ADGRB3: variants seen among roughly 807,000 people sequenced by gnomAD.
The protein encoded by ADGRB3 is brain-specific angiogenesis inhibitor 3.
ADGRB3 carries 37 observed loss-of-function variants against 193.4 expected under a neutral mutation model. That is an observed-to-expected ratio of 0.19 (90% CI 0.15 to 0.25). The LOEUF is 0.25. ADGRB3 is among the 10% of genes least tolerant of loss of function. The probability of loss-of-function intolerance (pLI) is 1.00; values close to 1 mark genes in which losing one functional copy is unlikely to be tolerated. For missense variants in ADGRB3, 1,637 were observed against 1,852.9 expected (o/e 0.88, Z 2.14); for synonymous variants, 690 against 644.2 (o/e 1.07, Z -1.08).
intron 3 of ADGRB3, among the ~76,000 whole-genome samples, chr6:68,843,334 G>A (rs933191906): frequency 6.6e-6 from 1 of 151,902 alleles, no homozygotes; most frequent in Non-Finnish European, 1.5e-5. Flanking sequence ...AAAGTTGCAG[G>A]ATACAAAGTC....
intron 17 of ADGRB3, among the ~76,000 whole-genome samples, chr6:69,107,077 C>T (rs1426300589): frequency 6.6e-6 from 1 of 152,006 alleles, no homozygotes; most frequent in African/African-American, 2.4e-5. Flanking sequence ...TAATAACTAT[C>T]TTCCAAAAAA....
chr6:69,250,244 G>A (rs1485848221), intron 20 of ADGRB3, among the ~76,000 whole-genome samples: 1 of 152,024 alleles, frequency 6.6e-6, no homozygotes, highest in Non-Finnish European at 1.5e-5. Flanking sequence ...TGTATTTTAA[G>A]GTGATTTTTC....
chr6:69,024,345 C>G (rs541423186), intron 13 of ADGRB3, among the ~76,000 whole-genome samples: 1 of 152,134 alleles, frequency 6.6e-6, no homozygotes, highest in African/African-American at 2.4e-5. Context: ...ATGGGATTCT[C>G]AATTCTGTAA....
intron 17 of ADGRB3, among the ~76,000 whole-genome samples, chr6:69,196,798 G>A (rs907253477): frequency 3.9e-5 from 6 of 152,112 alleles, no homozygotes; most frequent in South Asian, 4.1e-4. Flanking sequence ...TTGTTCATTC[G>A]TTTTGCTTTT....
chr6:69,058,104 A>G (rs13208885), intron 15 of ADGRB3, among the ~76,000 whole-genome samples: 6,847 of 151,686 alleles, frequency 0.045, 219 homozygotes, highest in Non-Finnish European at 0.067. Context: ...TATTGATTCA[A>G]TCGCTTTACT....
At chr6:69,223,100 A>C (rs1486395889) in intron 17 of ADGRB3, among the ~76,000 whole-genome samples, 1 of 152,144 alleles carries the variant, frequency 6.6e-6, no homozygotes, top group African/African-American at 2.4e-5. Flanking sequence ...ACACTAAGGA[A>C]GTTAAAAAAG....
intron 3 of ADGRB3, among the ~76,000 whole-genome samples, chr6:68,659,383 AG>A (rs1768569451): frequency 6.6e-6 from 1 of 150,988 alleles, no homozygotes; most frequent in Non-Finnish European, 1.5e-5. Flanking sequence ...GTAAAAAAAT[AG>A]GAAGGAGAAA....
intron 17 of ADGRB3, among the ~76,000 whole-genome samples, chr6:69,143,578 G>A (rs1230171244): frequency 6.6e-6 from 1 of 152,100 alleles, no homozygotes; most frequent in Non-Finnish European, 1.5e-5. Flanking sequence ...AGACAGGGGT[G>A]TAGTTTCATT....
rs1032814610 is a variant in ADGRB3 at position 69,353,602 on chromosome 6, C to T, written c.3460-631C>T. On this transcript the variant is annotated intron_variant, in intron 26 of 31. Coordinates refer to ENST00000370598, the MANE Select transcript of ADGRB3 (RefSeq NM_001704.3). Reference sequence around the variant, plus strand: ...TCTCCCTTAAAAGACACACATATTACGTACAACAGTGGAATAAATCTGCCT... The same window carrying T: ...TCTCCCTTAAAAGACACACATATTATGTACAACAGTGGAATAAATCTGCCT... Among the ~76,000 whole-genome samples, 12 of 152,288 alleles carry T rather than the reference C, an allele frequency of 7.9e-5. 1 individual carries two copies. The highest frequency in any genetic ancestry group is 2.1e-4 in the South Asian group (1 of 4,818).
At chr6:68,772,894 A>AATATATATAT (rs1208790675) in intron 3 of ADGRB3, among the ~76,000 whole-genome samples, 22 of 22,834 alleles carry the variant, frequency 9.6e-4, no homozygotes, top group East Asian at 3.1e-3. Flanking sequence ...AAAAAAAAAA[A>AATATATATAT]ATATATATAT....
chr6:68,663,074 G>T (rs114051014), intron 3 of ADGRB3, among the ~76,000 whole-genome samples: 3 of 151,126 alleles, frequency 2.0e-5, no homozygotes, highest in African/African-American at 7.3e-5. Context: ...AAAGTAAATC[G>T]AAATACATAA....
At chr6:68,990,409 C>T (rs1160091237) in intron 10 of ADGRB3, among the ~76,000 whole-genome samples, 4 of 152,062 alleles carry the variant, frequency 2.6e-5, no homozygotes, top group Non-Finnish European at 4.4e-5. Context: ...GTGCTTTTCA[C>T]CTACAATGCC....
At chr6:69,097,203 G>C (rs1239027994) in intron 17 of ADGRB3, among the ~76,000 whole-genome samples, 1 of 152,174 alleles carries the variant, frequency 6.6e-6, no homozygotes, top group Non-Finnish European at 1.5e-5. Flanking sequence ...GCATATCTAT[G>C]ACTCAGGTCG....
intron 3 of ADGRB3, among the ~76,000 whole-genome samples, chr6:68,869,065 G>C (rs1299194666): frequency 6.6e-6 from 1 of 152,012 alleles, no homozygotes; most frequent in Non-Finnish European, 1.5e-5. Flanking sequence ...AAATTAATGA[G>C]TTTAACCTCA....
At chr6:68,963,282 T>G (rs962911897) in intron 8 of ADGRB3, among the ~76,000 whole-genome samples, 1 of 152,138 alleles carries the variant, frequency 6.6e-6, no homozygotes, top group Non-Finnish European at 1.5e-5. Flanking sequence ...GATGAAATGC[T>G]GGAGCTAATT....
intron 5 of ADGRB3, among the ~76,000 whole-genome samples, chr6:68,941,117 G>T (rs1767630549): frequency 6.6e-6 from 1 of 151,920 alleles, no homozygotes; most frequent in Non-Finnish European, 1.5e-5. Context: ...TAAATATATT[G>T]GTTTTATTAG....
intron 17 of ADGRB3, among the ~76,000 whole-genome samples, chr6:69,157,441 C>T (rs930992717): frequency 3.3e-5 from 5 of 152,124 alleles, no homozygotes; most frequent in African/African-American, 9.7e-5. Flanking sequence ...TTTCCAAGAG[C>T]ATCTGCTATT....
intron 3 of ADGRB3, among the ~76,000 whole-genome samples, chr6:68,643,150 G>A (rs1454179515): frequency 6.6e-6 from 1 of 152,114 alleles, no homozygotes; most frequent in Non-Finnish European, 1.5e-5. Context: ...TGGGATCTCT[G>A]TATAGATTCC....
At chr6:69,235,588 C>A (rs1245753332) in intron 19 of ADGRB3, among the ~76,000 whole-genome samples, 1 of 151,996 alleles carries the variant, frequency 6.6e-6, no homozygotes, top group African/African-American at 2.4e-5. Flanking sequence ...AACTAGTGAA[C>A]CCTTCTATGC....
Sources: gnomAD v4.1 joint callset for allele counts (sites outside exome capture counted in the v4.1 genomes callset) on GRCh38, gnomAD v4.1.1 for gene constraint, MANE v1.5 for transcripts, NCBI Gene and HGNC (gene_info 2026-07-23, HGNC 2026-07-21) for gene names.